The following ATP2C2 variants were observed in gnomAD, a reference collection of about 807,000 sequenced individuals.
ATP2C2 encodes the protein calcium-transporting ATPase type 2C member 2.
In ATP2C2, 171 loss-of-function variants were observed where a neutral mutation model predicts 110.8. The ratio of observed to expected loss-of-function variants is 1.54; its 90% CI spans 1.36 to 1.75. The LOEUF is 1.75. Among genes scored for constraint, ATP2C2 ranks in the 40% most tolerant of loss-of-function variants. ATP2C2 has a pLI of 0.00. For missense variants in ATP2C2, 1,963 were observed against 1,235.0 expected (o/e 1.59, Z -8.84); for synonymous variants, 804 against 508.4 (o/e 1.58, Z -7.82).
chr16:84,378,835 G>A (rs963756594), intron 1 of ATP2C2, among the ~76,000 whole-genome samples: 8 of 152,346 alleles, frequency 5.3e-5, no homozygotes, highest in African/African-American at 1.7e-4. Flanking sequence ...AGCCATGAAC[G>A]TGGAGCCGGG....
At chr16:84,419,435 TC>T (rs1339147732) in intron 7 of ATP2C2, among the ~76,000 whole-genome samples, 3 of 152,078 alleles carry the variant, frequency 2.0e-5, no homozygotes, top group Non-Finnish European at 4.4e-5. Context: ...CCTCGTGATC[TC>T]ACGGGGCCCA....
chr16:84,440,079 C>A (rs1309476336), intron 13 of ATP2C2, among the ~76,000 whole-genome samples: 1 of 152,246 alleles, frequency 6.6e-6, no homozygotes, highest in Non-Finnish European at 1.5e-5. Context: ...CTCAGGTGAT[C>A]CGCCCGCCTT....
chr16:84,415,359 G>A, intron 6 of ATP2C2, 124 bp from the exon 7 acceptor site: 1 of 784,288 alleles, frequency 1.3e-6, no homozygotes, highest in Non-Finnish European at 2.2e-6. Flanking sequence ...ACACCCCAAA[G>A]GCACAGGGTT....
At chr16:84,419,513 C>G (rs1362105885) in intron 7 of ATP2C2, among the ~76,000 whole-genome samples, 1 of 152,190 alleles carries the variant, frequency 6.6e-6, no homozygotes, top group African/African-American at 2.4e-5. Flanking sequence ...TGCATAGTCT[C>G]TGTCACCACA....
intron 13 of ATP2C2, among the ~76,000 whole-genome samples, 156 bp from the exon 14 acceptor site, chr16:84,440,701 A>G (rs572055925): frequency 8.5e-5 from 13 of 152,240 alleles, no homozygotes; most frequent in Non-Finnish European, 1.8e-4. Context: ...TATCCAATTA[A>G]TCAATAATCT....
intron 6 of ATP2C2, among the ~76,000 whole-genome samples, chr16:84,412,364 A>ATGTGTGCG (rs1906411304): frequency 1.4e-4 from 11 of 77,982 alleles, no homozygotes; most frequent in African/African-American, 5.3e-4. Flanking sequence ...GCGTGTGTGC[A>ATGTGTGCG]TGTGTGTGTG....
intron 4 of ATP2C2, among the ~76,000 whole-genome samples, chr16:84,409,561 C>G (rs935649980): frequency 6.6e-6 from 1 of 152,042 alleles, no homozygotes; most frequent in Non-Finnish European, 1.5e-5. Flanking sequence ...CCAGGCTGGA[C>G]AGCAGTGCCG....
chr16:84,463,504 G>T, intron 26 of ATP2C2, 110 bp from the exon 27 acceptor site: 1 of 881,936 alleles, frequency 1.1e-6, no homozygotes, highest in East Asian at 2.5e-5. Flanking sequence ...GAAAAGGGCT[G>T]GTCCTCCGCA....
At position 84,419,030 on chromosome 16, in the gene ATP2C2, A is replaced by G. The variant is rs146192577; in HGVS notation, c.625-3360A>G. Reference sequence around the variant, plus strand: ...TGGAGACCAGCCTGGCCAACATGGCAAAACCCTGTCTCTACTAAAAATAAA... The same window carrying G: ...TGGAGACCAGCCTGGCCAACATGGCGAAACCCTGTCTCTACTAAAAATAAA... On this transcript the variant is annotated intron_variant, in intron 7 of 26. Transcript: ENST00000262429. Among the ~76,000 whole-genome samples the G allele has an allele frequency of 4.4e-3, 667 of 151,834 alleles. 3 individuals are homozygous for G. Among genetic ancestry groups the G allele is most frequent in the African/African-American group, 0.016 (650 of 41,416 alleles).
At position 84,452,018 on chromosome 16, in the gene ATP2C2, C is replaced by A; in HGVS notation, c.1758C>A (p.Val586=). 6.2e-7 allele frequency: 1 copy of A among 1,613,164 alleles called. No individual in the cohort carries two copies. The highest frequency in any genetic ancestry group is 8.5e-7 in the Non-Finnish European group (1 of 1,179,884). Residue 586 remains valine (V), a synonymous_variant, in exon 18 of 27, where the codon GTC becomes GTA. Coordinates refer to ENST00000262429, the MANE Select transcript of ATP2C2 (RefSeq NM_014861.4). ...CGAGAGTTGGCGTGAAGGAAGCAGT[C>A]CAGGTTCTCTCCGAGTCTGGTGTGT... The part of the protein sequence containing the change: ...DPPRVGVKEA[V]QVLSESGVSV...
At position 84,405,194 on chromosome 16, in the gene ATP2C2, G is replaced by T. The variant is rs1227977700; in HGVS notation, c.277G>T (p.Glu93Ter). The T allele has an allele frequency of 1.9e-6, 3 of 1,614,176 alleles. 1 individual carries two copies. In the Admixed American group the frequency reaches 5.0e-5, roughly 27 times the overall value. Reference protein sequence around the residue: ...TQRRLAHGWNEFVADNSEPVW... With the variant: ...TQRRLAHGWN ...GCGCCGGCTGGCCCATGGCTGGAAT[G>T]AGTTTGTTGCTGACAACAGCGAACC... The change falls in exon 3 of 27, where the codon GAG (glutamate) becomes TAG (stop). Residue 93 changes from glutamate (E) to a stop codon, truncating the protein, a stop_gained. Transcript: ENST00000262429. LOFTEE classifies it high-confidence loss of function.
intron 23 of ATP2C2, chr16:84,459,765 C>T (rs546270582): frequency 1.7e-6 from 1 of 587,304 alleles, no homozygotes; most frequent in Non-Finnish European, 3.0e-6. Flanking sequence ...GAGGAAGATA[C>T]ACACAGACAC....
chr16:84,408,455 C>G lies in ATP2C2; in HGVS notation c.378C>G (p.Val126=). The G allele has an allele frequency of 6.2e-7, 1 of 1,613,768 alleles. No homozygotes were observed. The highest frequency in any genetic ancestry group is 2.2e-5 in the East Asian group (1 of 44,852). The change falls in exon 4 of 27, where the codon GTC becomes GTG. Residue 126 remains valine, a synonymous_variant. Coordinates refer to ENST00000262429, the MANE Select transcript of ATP2C2 (RefSeq NM_014861.4). Reference sequence around the variant, plus strand: ...TGCTGGGCTCTGCCCTGGTGAGTGTCCTCACCAAGGAGTATGAGGACGCCG... The same window carrying G: ...TGCTGGGCTCTGCCCTGGTGAGTGTGCTCACCAAGGAGTATGAGGACGCCG... ...LLLLGSALVS[V]LTKEYEDAVS...
chr16:84,430,639 C>CAAAAAA (rs566290549), intron 11 of ATP2C2, among the ~76,000 whole-genome samples: 4 of 123,576 alleles, frequency 3.2e-5, no homozygotes, highest in African/African-American at 9.5e-5. Context: ...GACACCATCT[C>CAAAAAA]AAAAAAAAAA....
At chr16:84,410,075 G>A (rs1906138702) in intron 4 of ATP2C2, among the ~76,000 whole-genome samples, 1 of 152,140 alleles carries the variant, frequency 6.6e-6, no homozygotes, top group South Asian at 2.1e-4. Context: ...AGGGCATGGT[G>A]GCATGTGCCT....
At chr16:84,420,081 T>C (rs1458667902) in intron 7 of ATP2C2, among the ~76,000 whole-genome samples, 2 of 152,192 alleles carry the variant, frequency 1.3e-5, no homozygotes. Context: ...CCAGCACATG[T>C]GACTTAACCT....
chr16:84,426,212 G>A (rs1041903069), intron 11 of ATP2C2, among the ~76,000 whole-genome samples: 5 of 152,150 alleles, frequency 3.3e-5, no homozygotes, highest in African/African-American at 1.2e-4. Context: ...GAGCAGGCAT[G>A]TCACATGGCA....
At chr16:84,376,946 G>A (rs542787242) in intron 1 of ATP2C2, among the ~76,000 whole-genome samples, 11 of 152,346 alleles carry the variant, frequency 7.2e-5, no homozygotes, top group African/African-American at 2.6e-4. Flanking sequence ...CTCCCCTGTG[G>A]ACTGTCAGTG....
intron 2 of ATP2C2, among the ~76,000 whole-genome samples, chr16:84,400,776 G>A (rs1905270124): frequency 6.6e-6 from 1 of 152,162 alleles, no homozygotes; most frequent in African/African-American, 2.4e-5. Context: ...ACTGTGATGA[G>A]ATGATACCTC....
Sources: allele counts gnomAD v4.1 joint callset (sites outside exome capture counted in the v4.1 genomes callset), GRCh38; gene constraint gnomAD v4.1.1; transcripts MANE v1.5; gene names NCBI Gene and HGNC (gene_info 2026-07-23, HGNC 2026-07-21).